The following LYN variants were observed in gnomAD, a reference collection of about 807,000 sequenced individuals.
LYN encodes the protein tyrosine-protein kinase Lyn.
LYN carries 12 observed loss-of-function variants against 65.0 expected under a neutral mutation model. That is an observed-to-expected ratio of 0.18 (90% CI 0.12 to 0.30). LYN has a LOEUF of 0.30. Among genes scored for constraint, LYN ranks in the 10% least tolerant of loss-of-function variants. LYN has a pLI of 1.00. For missense variants in LYN, 380 were observed against 623.2 expected, an observed-to-expected ratio of 0.61 and a Z score of 4.16; for synonymous variants, 222 against 221.2, an observed-to-expected ratio of 1.00 and a Z score of -0.03.
chr8:55,942,881 A>C (rs898072373), intron 2 of LYN, among the ~76,000 whole-genome samples: 5 of 152,020 alleles, frequency 3.3e-5, no homozygotes, highest in Non-Finnish European at 7.4e-5. Context: ...ATAGGTGCTA[A>C]TGTGTCTTTT....
At chr8:55,985,205 C>T (rs1808043052) in intron 10 of LYN, among the ~76,000 whole-genome samples, 1 of 152,154 alleles carries the variant, frequency 6.6e-6, no homozygotes, top group Non-Finnish European at 1.5e-5. Context: ...TGAGTGAAAC[C>T]CAGTAATTGT....
At chr8:55,911,754 G>A (rs151296455) in intron 1 of LYN, among the ~76,000 whole-genome samples, 247 of 152,266 alleles carry the variant, frequency 1.6e-3, no homozygotes, top group Admixed American at 2.1e-3. Context: ...TTGCATGTCC[G>A]TGGAAAGGGC....
Position 56,013,573 on chromosome 8 carries a change from G to A in LYN, c.*3463G>A, listed in dbSNP as rs1808874027. 1 of 152,002 alleles carries A rather than the reference G, an allele frequency of 6.6e-6. No individual in the cohort carries two copies. Among genetic ancestry groups the A allele is most frequent in the African/African-American group, 2.4e-5 (1 of 41,352 alleles). 9.4% of individuals were successfully genotyped at this position (152,002 alleles called of 1,614,324 possible). On this transcript the variant is annotated 3_prime_UTR_variant, in exon 13 of 13. Transcript: ENST00000519728. ...AGTGTGAGCCACTGTGCCCGGTCGG[G>A]GTCTGCTTTCTCTTTATTCCCCGTC...
chr8:55,962,144 G>A (rs2719266), intron 8 of LYN, among the ~76,000 whole-genome samples: 65,213 of 151,798 alleles, frequency 0.43, 14,383 homozygotes, highest in Middle Eastern at 0.54. Flanking sequence ...TTCATTCCAT[G>A]TGGTGTTGGT....
At chr8:55,942,919 C>T (rs1027590945) in intron 2 of LYN, among the ~76,000 whole-genome samples, 7 of 152,164 alleles carry the variant, frequency 4.6e-5, no homozygotes, top group African/African-American at 1.4e-4. Context: ...CCTGTCCTGT[C>T]ATTTCTTCAA....
At chr8:55,934,522 A>G (rs1368563769) in intron 1 of LYN, among the ~76,000 whole-genome samples, 2 of 152,176 alleles carry the variant, frequency 1.3e-5, no homozygotes, top group Non-Finnish European at 2.9e-5. Context: ...GGGATGTTAA[A>G]TGGACACCCA....
chr8:55,900,083 A>G (rs1980042), intron 1 of LYN, among the ~76,000 whole-genome samples: 66,264 of 152,000 alleles, frequency 0.44, 15,109 homozygotes, highest in Middle Eastern at 0.55. Context: ...CTGCCACTCG[A>G]ACTTCAGGAA....
At chr8:55,974,967 C>T (rs569427569) in intron 10 of LYN, among the ~76,000 whole-genome samples, 20 of 152,140 alleles carry the variant, frequency 1.3e-4, no homozygotes, top group Non-Finnish European at 2.6e-4. Flanking sequence ...TATAATCTCC[C>T]CTCCACGTGG....
intron 1 of LYN, among the ~76,000 whole-genome samples, chr8:55,910,767 T>C (rs1024578840): frequency 1.3e-5 from 2 of 152,184 alleles, no homozygotes; most frequent in Admixed American, 6.5e-5. Flanking sequence ...TTGTTTTGCT[T>C]ATAGCTGAAG....
intron 1 of LYN, among the ~76,000 whole-genome samples, chr8:55,926,551 C>A (rs564522447): frequency 1.6e-4 from 25 of 152,266 alleles, no homozygotes; most frequent in Admixed American, 1.2e-3. Flanking sequence ...TTTTCTGAAC[C>A]TAAAATTGAA....
intron 1 of LYN, among the ~76,000 whole-genome samples, chr8:55,930,752 T>G (rs1806243689): frequency 6.6e-6 from 1 of 152,174 alleles, no homozygotes; most frequent in Non-Finnish European, 1.5e-5. Context: ...CAAGACCTGG[T>G]CTTGCCTCTT....
intron 1 of LYN, among the ~76,000 whole-genome samples, chr8:55,897,698 G>A (rs1317946717): frequency 6.6e-6 from 1 of 152,122 alleles, no homozygotes; most frequent in Non-Finnish European, 1.5e-5. Flanking sequence ...GATCACTTGA[G>A]CGCAGAAGTT....
At chr8:55,970,514 A>G (rs1245799929) in intron 10 of LYN, among the ~76,000 whole-genome samples, 1 of 152,116 alleles carries the variant, frequency 6.6e-6, no homozygotes, top group Admixed American at 6.5e-5. Flanking sequence ...GTTTCTCAGT[A>G]TTGGCAATCG....
chr8:55,892,785 GTGTGTGTGTA>G (rs1378344336), intron 1 of LYN, among the ~76,000 whole-genome samples: 13 of 152,286 alleles, frequency 8.5e-5, no homozygotes, highest in African/African-American at 1.2e-4. Context: ...CAATGCAGGA[GTGTGTGTGTA>G]TGTGTGTGTA....
intron 10 of LYN, among the ~76,000 whole-genome samples, chr8:55,996,911 C>G (rs1808384624): frequency 6.6e-6 from 1 of 152,026 alleles, no homozygotes; most frequent in African/African-American, 2.4e-5. Context: ...GAGTGGATCA[C>G]CTGAGGCCAG....
chr8:55,993,075 GT>G (rs1489679602), intron 10 of LYN, among the ~76,000 whole-genome samples: 1 of 152,284 alleles, frequency 6.6e-6, no homozygotes, highest in East Asian at 1.9e-4. Flanking sequence ...TATTACAATA[GT>G]TTGTGGCCCT....
At chr8:55,961,943 ACTT>A (rs1022669123) in intron 8 of LYN, among the ~76,000 whole-genome samples, 22 of 141,290 alleles carry the variant, frequency 1.6e-4, no homozygotes, top group Admixed American at 9.4e-4. Context: ...TGGTTTTCTG[ACTT>A]CTTCTTAATT....
In LYN at chr8:55,999,567, A is replaced by G. The variant is rs1014704786; in HGVS notation, c.1336+18A>G. Reference sequence around the variant, plus strand: ...CTACCCAGGTATGGTTTACTTAGCTATTTACAATCAAGCTGTATAAATGAG... The same window carrying G: ...CTACCCAGGTATGGTTTACTTAGCTGTTTACAATCAAGCTGTATAAATGAG... On this transcript the variant is annotated intron_variant, in intron 12 of 12. Transcript: ENST00000519728. 3.5e-5 allele frequency: 57 copies of G among 1,611,574 alleles called. No homozygotes were observed. Among genetic ancestry groups the G allele is most frequent in the Non-Finnish European group, 4.7e-5 (55 of 1,177,940 alleles).
intron 8 of LYN, among the ~76,000 whole-genome samples, chr8:55,965,522 A>G (rs191043930): frequency 6.6e-6 from 1 of 152,356 alleles, no homozygotes; most frequent in Admixed American, 6.5e-5. Flanking sequence ...TAATTTTTAT[A>G]AAGAACACCT....
Sources: gnomAD v4.1 joint callset for allele counts (sites outside exome capture counted in the v4.1 genomes callset) on GRCh38, gnomAD v4.1.1 for gene constraint, MANE v1.5 for transcripts, NCBI Gene and HGNC (gene_info 2026-07-23, HGNC 2026-07-21) for gene names.